WDR70: variants seen among roughly 807,000 people sequenced by gnomAD.
WDR70 encodes the protein WD repeat domain 70.
Under a neutral mutation model 88.6 loss-of-function variants are expected in WDR70, and 53 were observed. The observed-to-expected ratio is 0.60, with a 90% CI of 0.48 to 0.75. The LOEUF is 0.75. Ranked by LOEUF, WDR70 falls within the 30% of genes least tolerant of loss-of-function variation. The pLI is 0.00. For synonymous variants in WDR70, 280 were observed against 270.0 expected, an observed-to-expected ratio of 1.04 and a Z score of -0.36; for missense variants, 610 against 823.2, an observed-to-expected ratio of 0.74 and a Z score of 3.17.
At chr5:37,699,396 T>TACACACACACAC (rs1181980288) in intron 11 of WDR70, among the ~76,000 whole-genome samples, 704 of 20,094 alleles carry the variant, frequency 0.035, 3 homozygotes, top group East Asian at 0.3. Flanking sequence ...TGTGTGTATA[T>TACACACACACAC]ATATATACAC....
At chr5:37,726,642 G>A (rs1747976887) in intron 16 of WDR70, among the ~76,000 whole-genome samples, 1 of 151,976 alleles carries the variant, frequency 6.6e-6, no homozygotes, top group Non-Finnish European at 1.5e-5. Context: ...TTCTATATTG[G>A]TATCATTCTG....
intron 7 of WDR70, among the ~76,000 whole-genome samples, chr5:37,452,868 C>T (rs563148642): frequency 6.6e-6 from 1 of 152,208 alleles, no homozygotes; most frequent in East Asian, 1.9e-4. Flanking sequence ...AAAGAACGCC[C>T]CCATAGCTAT....
chr5:37,483,739 T>G (rs1273139699), intron 8 of WDR70, among the ~76,000 whole-genome samples: 2 of 137,646 alleles, frequency 1.5e-5, no homozygotes, highest in Admixed American at 7.2e-5. Context: ...GCCCCCCACC[T>G]CCCTCCCGGA....
At chr5:37,494,371 T>C (rs760184196) in intron 8 of WDR70, among the ~76,000 whole-genome samples, 2 of 152,212 alleles carry the variant, frequency 1.3e-5, no homozygotes, top group Non-Finnish European at 2.9e-5. Flanking sequence ...AATGTAAATT[T>C]GTAGAAACAA....
intron 3 of WDR70, among the ~76,000 whole-genome samples, chr5:37,391,739 T>C (rs897688122): frequency 6.6e-6 from 1 of 152,228 alleles, no homozygotes; most frequent in African/African-American, 2.4e-5. Context: ...TATACAAGTA[T>C]CTTTTTTAGA....
intron 8 of WDR70, among the ~76,000 whole-genome samples, chr5:37,502,549 A>G (rs753559917): frequency 3.9e-5 from 6 of 152,144 alleles, no homozygotes; most frequent in Non-Finnish European, 7.3e-5. Flanking sequence ...TGAGGTAATC[A>G]TATGGTTTTT....
intron 7 of WDR70, among the ~76,000 whole-genome samples, chr5:37,465,677 T>TC (rs1491464464): frequency 3.2e-5 from 3 of 94,112 alleles, no homozygotes; most frequent in African/African-American, 9.3e-5. Context: ...TTTTTTTTTT[T>TC]CTGAAGTATC....
chr5:37,456,871 T>C (rs1738856045), intron 7 of WDR70, among the ~76,000 whole-genome samples: 1 of 152,030 alleles, frequency 6.6e-6, no homozygotes, highest in African/African-American at 2.4e-5. Context: ...AAACTAAAAC[T>C]AGCCAAAGGA....
At position 37,736,625 on chromosome 5, in the gene WDR70, T is replaced by C. The variant is rs1033961891; in HGVS notation, c.1877+9580T>C. 1.7e-3 allele frequency among the ~76,000 whole-genome samples: 256 copies of C among 151,948 alleles called. 2 individuals are homozygous for C. Among genetic ancestry groups the C allele is most frequent in the Middle Eastern group, 0.01 (3 of 292 alleles). Reference sequence around the variant, plus strand: ...AGCGGTGTATGTAGTTTTTTTTTTTTTTCTTTTTTTTTTGCGGTGGGGGGG... The same window carrying C: ...AGCGGTGTATGTAGTTTTTTTTTTTCTTCTTTTTTTTTTGCGGTGGGGGGG... On this transcript the variant is annotated intron_variant, in intron 17 of 17. Coordinates refer to ENST00000265107, the MANE Select transcript of WDR70 (RefSeq NM_018034.4).
At chr5:37,686,066 A>C (rs998332231) in intron 10 of WDR70, among the ~76,000 whole-genome samples, 2 of 152,264 alleles carry the variant, frequency 1.3e-5, no homozygotes, top group East Asian at 1.9e-4. Context: ...AACACTGTGA[A>C]GCCTAGGCGG....
intron 7 of WDR70, among the ~76,000 whole-genome samples, chr5:37,449,599 AAAAATAAAAAATAAAAAAT>A (rs1738601614): frequency 1.1e-4 from 5 of 43,782 alleles, no homozygotes; most frequent in African/African-American, 2.3e-4. Flanking sequence ...TCAAAAAAAA[AAAAATAAAAAATAAAAAAT>A]AAATAAATAA....
chr5:37,557,961 T>TGCAAACTCTTCAAAAGA (rs1176435994), intron 9 of WDR70, among the ~76,000 whole-genome samples: 1 of 148,286 alleles, frequency 6.7e-6, no homozygotes, highest in African/African-American at 2.5e-5. Context: ...AAGAGTATTA[T>TGCAAACTCTTCAAAAGA]GTATATTTAT....
chr5:37,659,745 G>T (rs531310346), intron 10 of WDR70, among the ~76,000 whole-genome samples: 54 of 152,278 alleles, frequency 3.5e-4, no homozygotes, highest in African/African-American at 1.2e-3. Flanking sequence ...GACTGAAAGA[G>T]ATGGAGTGGA....
At chr5:37,650,854 C>T (rs1745389432) in intron 10 of WDR70, among the ~76,000 whole-genome samples, 1 of 152,026 alleles carries the variant, frequency 6.6e-6, no homozygotes, top group Admixed American at 6.6e-5. Context: ...AGAAACTGTT[C>T]TTTATAACTA....
chr5:37,440,443 G>C (rs1750619395), intron 6 of WDR70, among the ~76,000 whole-genome samples: 1 of 152,032 alleles, frequency 6.6e-6, no homozygotes, highest in African/African-American at 2.4e-5. Context: ...CCTCCCAGGG[G>C]TAAGCGATTC....
At chr5:37,390,883 A>G (rs1009791311) in intron 3 of WDR70, among the ~76,000 whole-genome samples, 3 of 151,348 alleles carry the variant, frequency 2.0e-5, no homozygotes, top group African/African-American at 7.3e-5. Context: ...CGCCTGGCTA[A>G]TTTTTTATTT....
intron 11 of WDR70, among the ~76,000 whole-genome samples, chr5:37,699,969 C>A (rs1477049601): frequency 3.0e-5 from 4 of 133,604 alleles, no homozygotes; most frequent in African/African-American, 7.7e-5. Context: ...AAAACAAAAA[C>A]AAAAACAAAA....
At chr5:37,592,512 G>A (rs1217439409) in intron 9 of WDR70, among the ~76,000 whole-genome samples, 1 of 152,212 alleles carries the variant, frequency 6.6e-6, no homozygotes, top group Non-Finnish European at 1.5e-5. Flanking sequence ...ACCAGAATAC[G>A]TGTATCAACT....
intron 10 of WDR70, among the ~76,000 whole-genome samples, chr5:37,667,783 A>T (rs895412160): frequency 1.5e-5 from 2 of 135,122 alleles, no homozygotes; most frequent in African/African-American, 2.8e-5. Flanking sequence ...TGCTCTAGGT[A>T]TATGTTTCTC....
Sources: gnomAD v4.1 joint callset for allele counts (sites outside exome capture counted in the v4.1 genomes callset) on GRCh38, gnomAD v4.1.1 for gene constraint, MANE v1.5 for transcripts, NCBI Gene and HGNC (gene_info 2026-07-23, HGNC 2026-07-21) for gene names.